The following ZFYVE1 variants were observed in gnomAD, a reference collection of about 807,000 sequenced individuals.
The protein encoded by ZFYVE1 is zinc finger FYVE domain-containing protein 1.
ZFYVE1 carries 30 observed loss-of-function variants against 74.4 expected under a neutral mutation model. The ratio of observed to expected loss-of-function variants is 0.40; its 90% CI spans 0.30 to 0.55. The LOEUF is 0.55. Ranked by LOEUF, ZFYVE1 falls within the 20% of genes least tolerant of loss-of-function variation. ZFYVE1 has a pLI of 0.42. For missense variants in ZFYVE1, 703 were observed against 1,011.6 expected (o/e 0.69, Z 4.14); for synonymous variants, 335 against 385.1 (o/e 0.87, Z 1.52).
chr14:73,010,375 G>A (rs1376676292), intron 2 of ZFYVE1, among the ~76,000 whole-genome samples: 1 of 152,188 alleles, frequency 6.6e-6, no homozygotes, highest in African/African-American at 2.4e-5. Flanking sequence ...GCCAAGGCAG[G>A]CAGATCACCT....
intron 2 of ZFYVE1, among the ~76,000 whole-genome samples, chr14:73,019,408 C>T (rs1393379930): frequency 7.7e-5 from 9 of 117,530 alleles, no homozygotes; most frequent in Admixed American, 3.2e-4. Flanking sequence ...ACAGCAAGAC[C>T]CCATCTAAAA....
rs528528906 is a variant in ZFYVE1 at position 72,970,415 on chromosome 14, G to A, written c.*467C>T. 1.2e-4 allele frequency: 22 copies of A among 178,278 alleles called. No homozygotes were observed. The highest frequency in any genetic ancestry group is 1.9e-4 in the Non-Finnish European group (16 of 82,476). The allele number at this position is 178,278 out of a possible 1,614,324, so 11.0% of individuals were successfully genotyped here. A position where few individuals can be genotyped will look rare whatever the true frequency, so the allele number is the denominator to read the frequency against. On this transcript the variant is annotated 3_prime_UTR_variant, in exon 12 of 12. Coordinates refer to ENST00000556143, the MANE Select transcript of ZFYVE1 (RefSeq NM_021260.4). ...GGAGGGAAGAGCCAAGGACAGGAGA[G>A]GCTTCCAAGGCTCCAAGAGCAGCAG...
chr14:72,988,926 CTTCT>C (rs1236823603), intron 4 of ZFYVE1, among the ~76,000 whole-genome samples: 35 of 130,390 alleles, frequency 2.7e-4, no homozygotes, highest in Non-Finnish European at 4.3e-4. Context: ...TTTGCAATTT[CTTCT>C]TTTTTTTTTT....
At chr14:73,017,301 C>T (rs959507438) in intron 2 of ZFYVE1, among the ~76,000 whole-genome samples, 8 of 152,178 alleles carry the variant, frequency 5.3e-5, no homozygotes, top group Non-Finnish European at 1.0e-4. Flanking sequence ...CTCCTTCTGT[C>T]GGGGCTGCCC....
At chr14:72,997,216 G>C (rs906582637) in intron 3 of ZFYVE1, among the ~76,000 whole-genome samples, 1 of 152,042 alleles carries the variant, frequency 6.6e-6, no homozygotes, top group Non-Finnish European at 1.5e-5. Flanking sequence ...ATTCTCATCA[G>C]TACATAAATA....
At chr14:72,980,936 C>A (rs933704304) in intron 5 of ZFYVE1, among the ~76,000 whole-genome samples, 2 of 152,190 alleles carry the variant, frequency 1.3e-5, no homozygotes, top group African/African-American at 4.8e-5. Flanking sequence ...GGAGGGGGCA[C>A]CCAGTGATCC....
intron 4 of ZFYVE1, among the ~76,000 whole-genome samples, chr14:72,987,777 G>A (rs1470231411): frequency 6.6e-6 from 1 of 152,170 alleles, no homozygotes; most frequent in African/African-American, 2.4e-5. Context: ...GTAGGTATCT[G>A]GGCTGTTGCT....
chr14:72,986,742 C>A, intron 4 of ZFYVE1: 2 of 290,876 alleles, frequency 6.9e-6, no homozygotes, highest in Non-Finnish European at 1.0e-5. Flanking sequence ...GTTGGCCAGG[C>A]TGGTCTCAAA....
chr14:73,016,658 G>A (rs996878635), intron 2 of ZFYVE1, among the ~76,000 whole-genome samples: 2 of 149,910 alleles, frequency 1.3e-5, no homozygotes. Context: ...GAGGCTGGTG[G>A]ATCACCTGAG....
At chr14:73,005,865 C>T (rs1893966741) in intron 2 of ZFYVE1, among the ~76,000 whole-genome samples, 2 of 152,076 alleles carry the variant, frequency 1.3e-5, no homozygotes, top group South Asian at 4.1e-4. Context: ...TGAATTCTAC[C>T]TAAAATGAAA....
intron 4 of ZFYVE1, among the ~76,000 whole-genome samples, chr14:72,988,806 C>CAA (rs1425078012): frequency 0.11 from 8,605 of 79,780 alleles, 423 homozygotes; most frequent in East Asian, 0.29. Flanking sequence ...GACTCTGTCT[C>CAA]AAAAAAAAAA....
chr14:73,019,599 C>CA (rs1322119767), intron 2 of ZFYVE1, among the ~76,000 whole-genome samples: 1 of 152,162 alleles, frequency 6.6e-6, no homozygotes, highest in East Asian at 1.9e-4. Context: ...ATCGGATTCT[C>CA]ACAGCAGCCA....
intron 2 of ZFYVE1, among the ~76,000 whole-genome samples, chr14:73,000,830 C>G (rs1439336047): frequency 6.6e-6 from 1 of 152,198 alleles, no homozygotes; most frequent in East Asian, 1.9e-4. Flanking sequence ...GTGAAAACAG[C>G]CCAATACCCA....
intron 3 of ZFYVE1, among the ~76,000 whole-genome samples, chr14:72,995,075 T>C (rs541825027): frequency 3.3e-5 from 5 of 152,202 alleles, no homozygotes; most frequent in Non-Finnish European, 4.4e-5. Flanking sequence ...TATTTATTTA[T>C]TTATTTACTT....
chr14:73,014,188 G>A (rs944989513), intron 2 of ZFYVE1, among the ~76,000 whole-genome samples: 5 of 152,272 alleles, frequency 3.3e-5, no homozygotes, highest in South Asian at 2.1e-4. Flanking sequence ...GGTTTCGATG[G>A]CTTACATGGG....
chr14:72,991,228 T>C (rs1055229478), intron 4 of ZFYVE1, among the ~76,000 whole-genome samples: 5 of 144,780 alleles, frequency 3.5e-5, no homozygotes, highest in Admixed American at 7.3e-5. Flanking sequence ...CTCGCTCTGT[T>C]GCCCAGGCTG....
chr14:72,976,142 A>G (rs1303888679), intron 8 of ZFYVE1, among the ~76,000 whole-genome samples: 1 of 152,084 alleles, frequency 6.6e-6, no homozygotes, highest in Non-Finnish European at 1.5e-5. Flanking sequence ...TCATTTTTGT[A>G]TTTTGTAAAG....
chr14:72,974,328 C>A, intron 10 of ZFYVE1, 135 bp from the exon 11 acceptor site: 1 of 809,470 alleles, frequency 1.2e-6, no homozygotes, highest in Non-Finnish European at 2.0e-6. Context: ...CTGCAAGGGT[C>A]TGTGCTGTGG....
intron 2 of ZFYVE1, among the ~76,000 whole-genome samples, chr14:72,999,869 G>A (rs1594851654): frequency 6.6e-6 from 1 of 152,174 alleles, no homozygotes; most frequent in African/African-American, 2.4e-5. Context: ...AGACCAGCCT[G>A]GCCAACATGG....
Sources: allele counts gnomAD v4.1 joint callset (sites outside exome capture counted in the v4.1 genomes callset), GRCh38; gene constraint gnomAD v4.1.1; transcripts MANE v1.5; gene names NCBI Gene and HGNC (gene_info 2026-07-23, HGNC 2026-07-21).